Variants in LARGE1 observed in about 807,000 individuals in gnomAD.
LARGE1 encodes the protein LARGE xylosyl- and glucuronyltransferase 1.
LARGE1 carries 43 observed loss-of-function variants against 87.6 expected under a neutral mutation model. The ratio of observed to expected loss-of-function variants is 0.49; its 90% CI spans 0.38 to 0.63. LARGE1 has a LOEUF of 0.63. Ranked by LOEUF, LARGE1 falls within the 30% of genes least tolerant of loss-of-function variation. LARGE1 has a pLI of 0.00. For missense variants in LARGE1, 802 were observed against 1,000.2 expected, an observed-to-expected ratio of 0.80 and a Z score of 2.67; for synonymous variants, 434 against 394.6, an observed-to-expected ratio of 1.10 and a Z score of -1.18.
At chr22:33,714,450 G>T (rs1235647002) in intron 2 of LARGE1, among the ~76,000 whole-genome samples, 1 of 152,170 alleles carries the variant, frequency 6.6e-6, no homozygotes, top group Non-Finnish European at 1.5e-5. Context: ...TCACTTAGTA[G>T]AATTAGATGA....
intron 11 of LARGE1, among the ~76,000 whole-genome samples, chr22:33,191,654 G>A (rs1923785797): frequency 6.6e-6 from 1 of 152,208 alleles, no homozygotes; most frequent in East Asian, 1.9e-4. Context: ...AGTGGTGCTG[G>A]CAAGGTGAGC....
At chr22:33,684,828 TAACA>T in intron 2 of LARGE1, among the ~76,000 whole-genome samples, 1 of 152,308 alleles carries the variant, frequency 6.6e-6, no homozygotes, top group East Asian at 1.9e-4. Flanking sequence ...ATCTGAATTT[TAACA>T]AACCATAGTT....
Position 33,337,804 on chromosome 22 carries a change from G to C in LARGE1, c.1132-3C>G, listed in dbSNP as rs755662032. The C allele has an allele frequency of 5.0e-6, 8 of 1,614,034 alleles. No homozygotes were observed. In the Admixed American group the frequency reaches 1.3e-4, roughly 27 times the overall value. On this transcript the variant is annotated splice_polypyrimidine_tract_variant and splice_region_variant and intron_variant, in intron 9 of 14. Coordinates refer to ENST00000397394, the MANE Select transcript of LARGE1 (RefSeq NM_133642.5). ...TTGGGGGAGTTCCAGTGAATGACCTGGCAGGGAGATAAGGAAGTGGTCAGG... is the reference window on the plus strand; with the variant it reads ...TTGGGGGAGTTCCAGTGAATGACCTCGCAGGGAGATAAGGAAGTGGTCAGG...
chr22:33,722,151 T>G (rs171198), intron 2 of LARGE1, among the ~76,000 whole-genome samples: 87,350 of 150,656 alleles, frequency 0.58, 27,204 homozygotes, highest in African/African-American at 0.81. Context: ...TACTCGGGAC[T>G]CTGAGGCAGG....
chr22:33,810,294 C>G (rs1010097010), intron 1 of LARGE1, among the ~76,000 whole-genome samples: 5 of 152,204 alleles, frequency 3.3e-5, no homozygotes, highest in African/African-American at 1.2e-4. Context: ...GAACCAAGGA[C>G]TGGCTGAACC....
intron 5 of LARGE1, among the ~76,000 whole-genome samples, chr22:33,571,870 T>C (rs899200557): frequency 6.6e-6 from 1 of 152,136 alleles, no homozygotes; most frequent in Non-Finnish European, 1.5e-5. Flanking sequence ...CAATGTGCTC[T>C]TCACTCTTCT....
At chr22:33,861,532 C>T (rs2063921308) in intron 1 of LARGE1, 1 of 152,250 alleles carries the variant, frequency 6.6e-6, no homozygotes, top group African/African-American at 2.4e-5. Context: ...AGCAATTAAC[C>T]TCACTAAGCC....
chr22:33,113,426 C>T, the LARGE1 span, among the ~76,000 whole-genome samples: 37 of 152,240 alleles, frequency 2.4e-4, no homozygotes, highest in African/African-American at 8.2e-4. Flanking sequence ...AGGCTGGTCT[C>T]GAACTCCCGA....
At chr22:33,142,146 A>G in the LARGE1 span, among the ~76,000 whole-genome samples, 2 of 152,202 alleles carry the variant, frequency 1.3e-5, no homozygotes, top group Non-Finnish European at 2.9e-5. Context: ...CTTGTGCTTA[A>G]ACAAAGATCA....
chr22:33,154,646 T>G, the LARGE1 span, among the ~76,000 whole-genome samples: 23 of 152,328 alleles, frequency 1.5e-4, no homozygotes, highest in East Asian at 3.5e-3. Context: ...CATCACTCTT[T>G]CTTCCTTTCC....
chr22:33,321,913 G>A (rs1365456806), intron 10 of LARGE1, among the ~76,000 whole-genome samples: 1 of 152,092 alleles, frequency 6.6e-6, no homozygotes, highest in African/African-American at 2.4e-5. Context: ...CTGCCTCCCG[G>A]GTTCAAGCGA....
At chr22:33,699,424 C>T (rs1253313266) in intron 2 of LARGE1, among the ~76,000 whole-genome samples, 1 of 152,212 alleles carries the variant, frequency 6.6e-6, no homozygotes, top group Non-Finnish European at 1.5e-5. Flanking sequence ...TGTTTAGCAA[C>T]ATTCCTAGAA....
intron 11 of LARGE1, among the ~76,000 whole-genome samples, chr22:33,186,689 A>G (rs1164793468): frequency 6.6e-6 from 1 of 152,210 alleles, no homozygotes; most frequent in Non-Finnish European, 1.5e-5. Context: ...ATAAGTATCA[A>G]AGAGAATGTG....
At chr22:33,351,850 T>C (rs963391486) in intron 9 of LARGE1, among the ~76,000 whole-genome samples, 4 of 152,162 alleles carry the variant, frequency 2.6e-5, no homozygotes, top group African/African-American at 9.6e-5. Context: ...GCGATTCTCC[T>C]GCCTCAGCCT....
the LARGE1 span, among the ~76,000 whole-genome samples, chr22:33,149,310 G>C: frequency 6.6e-6 from 1 of 151,980 alleles, no homozygotes; most frequent in African/African-American, 2.4e-5. Flanking sequence ...TCAAAGTGCT[G>C]GGATTACAGC....
At chr22:33,633,265 T>A (rs966014030) in intron 3 of LARGE1, among the ~76,000 whole-genome samples, 2 of 152,100 alleles carry the variant, frequency 1.3e-5, no homozygotes, top group Non-Finnish European at 2.9e-5. Flanking sequence ...TGTCTTTGCA[T>A]CCCAGAGTGG....
intron 5 of LARGE1, among the ~76,000 whole-genome samples, chr22:33,583,556 T>C (rs993248220): frequency 6.6e-6 from 1 of 152,112 alleles, no homozygotes; most frequent in Non-Finnish European, 1.5e-5. Flanking sequence ...ACCCGATAAA[T>C]AAGAAAATTA....
intron 6 of LARGE1, among the ~76,000 whole-genome samples, chr22:33,538,747 G>A (rs1602317424): frequency 6.6e-6 from 1 of 152,160 alleles, no homozygotes; most frequent in Non-Finnish European, 1.5e-5. Context: ...GCCACTGGAG[G>A]ACAAGGAAGC....
intron 1 of LARGE1, among the ~76,000 whole-genome samples, chr22:33,884,947 G>C (rs368465021): frequency 1.3e-5 from 2 of 152,208 alleles, no homozygotes; most frequent in Admixed American, 6.5e-5. Context: ...CTTTCCATGG[G>C]GGGGAGGAAT....
Sources: gnomAD v4.1 joint callset for allele counts (sites outside exome capture counted in the v4.1 genomes callset) on GRCh38, gnomAD v4.1.1 for gene constraint, MANE v1.5 for transcripts, NCBI Gene and HGNC (gene_info 2026-07-23, HGNC 2026-07-21) for gene names.